The following TECPR1 variants were observed in gnomAD, a reference collection of about 807,000 sequenced individuals.
TECPR1 encodes the protein tectonin beta-propeller repeat-containing protein 1.
A neutral mutation model predicts 162.4 loss-of-function variants in TECPR1; 122 were observed. That is an observed-to-expected ratio of 0.75 (90% CI 0.65 to 0.87). TECPR1 has a LOEUF of 0.87. Ranked by LOEUF, TECPR1 falls within the 40% of genes least tolerant of loss-of-function variation. The pLI is 0.00. For missense variants in TECPR1, 1,432 were observed against 1,618.2 expected (o/e 0.88, Z 1.97); for synonymous variants, 642 against 670.6 (o/e 0.96, Z 0.66).
intron 10 of TECPR1, among the ~76,000 whole-genome samples, chr7:98,235,849 A>AAAAAAAAAAAAC: frequency 1.5e-4 from 16 of 110,330 alleles, no homozygotes; most frequent in African/African-American, 4.6e-4. Flanking sequence ...AAAAAAAAAA[A>AAAAAAAAAAAAC]AACACCATCT....
At position 98,217,750 on chromosome 7, in the gene TECPR1, T is replaced by C. The variant is rs1170639255; in HGVS notation, c.3326A>G (p.His1109Arg). ...CTCGTGAGGCTGCACGCCGGTGCGA[T>C]GACACACTGTCCCCCGGCTCAGGCT... ...SHSLSRGTVC[H>R]RTGVQPHEPK... Residue 1109 changes from histidine (H) to arginine (R), a missense_variant, in exon 25 of 26, where the codon CAT (histidine) becomes CGT (arginine). Transcript: ENST00000447648. 3 of 1,550,738 alleles carry C rather than the reference T, an allele frequency of 1.9e-6. No homozygotes were observed. The highest frequency in any genetic ancestry group is 1.2e-5 in the South Asian group (1 of 84,054).
At chr7:98,224,035 G>A (rs1798213767) in intron 19 of TECPR1, among the ~76,000 whole-genome samples, 1 of 152,144 alleles carries the variant, frequency 6.6e-6, no homozygotes, top group South Asian at 2.1e-4. Flanking sequence ...GCAGTCACTT[G>A]TCAGGGGTCA....
At position 98,223,726 on chromosome 7, in the gene TECPR1, G is replaced by T. The variant is rs757985382; in HGVS notation, c.2691-8C>A. 6.2e-7 allele frequency: 1 copy of T among 1,613,700 alleles called. No homozygotes were observed. The highest frequency in any genetic ancestry group is 1.1e-5 in the South Asian group (1 of 91,076). ...TTGGACCCATGGTATGAGCTGCAAG[G>T]AGGAAGAAGATGAAATCAGGGCCAC... On this transcript the variant is annotated splice_polypyrimidine_tract_variant and splice_region_variant and intron_variant, in intron 19 of 25. Transcript: ENST00000447648.
rs1798477718 is a variant in TECPR1 at position 98,232,776 on chromosome 7, T to C, written c.1818+51A>G. 2 of 1,491,952 alleles carry C rather than the reference T, an allele frequency of 1.3e-6. No homozygotes were observed. The highest frequency in any genetic ancestry group is 1.4e-5 in the African/African-American group (1 of 70,158). The allele number at this position is 1,491,952 out of a possible 1,614,324, so 92.4% of individuals were successfully genotyped here. ...TGGTACACAGCAGGCGCTCAATGAA[T>C]GATTGCTGGAAAAAAAAAAAAAATG... On this transcript the variant is annotated intron_variant, in intron 12 of 25. Coordinates refer to ENST00000447648, the MANE Select transcript of TECPR1 (RefSeq NM_015395.3). This position sits in a 1 kb window ranked among gnomAD's most constrained non-coding sequence, Gnocchi z 4.6.
Position 98,222,416 on chromosome 7 carries a change from G to T in TECPR1, c.3034C>A (p.Arg1012=), listed in dbSNP as rs570515591. 39 of 1,597,238 alleles carry T rather than the reference G, an allele frequency of 2.4e-5. No homozygotes were observed. The highest frequency in any genetic ancestry group is 3.1e-5 in the Non-Finnish European group (36 of 1,172,966). Residue 1012 remains arginine (R), a synonymous_variant, in exon 22 of 26, where the codon CGG becomes AGG. Coordinates refer to ENST00000447648, the MANE Select transcript of TECPR1 (RefSeq NM_015395.3). ...GGCTGCGAGGGGTACACGGATCCCC[G>T]GTAGAAGGCGGAGCCGTCCCTTGCC... ...AVARDGSAFY[R]GSVYPSQPAG... is the part of the protein sequence containing the mutation.
chr7:98,229,292 A>G (rs1798360228), intron 15 of TECPR1, 126 bp from the exon 16 acceptor site: 2 of 1,288,992 alleles, frequency 1.6e-6, no homozygotes, highest in Non-Finnish European at 2.1e-6. Flanking sequence ...CTCCAAGCAC[A>G]GACCATCCAC....
chr7:98,241,358 A>C lies in TECPR1; in HGVS notation c.658-114T>G. On this transcript the variant is annotated intron_variant, in intron 6 of 25. Transcript: ENST00000447648. This position sits in a 1 kb window ranked among gnomAD's most constrained non-coding sequence, Gnocchi z 5.0. ...CATGTCCCCTGACCGTCCAGATCTCACTCCCTGCCCCCTACCCCGGCCAAA... is the reference window on the plus strand; with the variant it reads ...CATGTCCCCTGACCGTCCAGATCTCCCTCCCTGCCCCCTACCCCGGCCAAA... 1.2e-4 allele frequency: 159 copies of C among 1,305,302 alleles called. No individual in the cohort carries two copies. The highest frequency in any genetic ancestry group is 1.5e-4 in the Non-Finnish European group (146 of 942,274). The allele number at this position is 1,305,302 out of a possible 1,614,324, so 80.9% of individuals were successfully genotyped here. A position where few individuals can be genotyped will look rare whatever the true frequency, so the allele number is the denominator to read the frequency against.
chr7:98,222,816 C>T, intron 21 of TECPR1, 174 bp downstream of exon 21: 1 of 925,456 alleles, frequency 1.1e-6, no homozygotes, highest in Non-Finnish European at 1.7e-6. Flanking sequence ...CCTCTGTCAC[C>T]CCCGCCCCAC....
chr7:98,226,724 A>G (rs1293547763), intron 17 of TECPR1: 5 of 1,083,186 alleles, frequency 4.6e-6, no homozygotes, highest in Non-Finnish European at 6.1e-6. Flanking sequence ...TCGGGAGTTC[A>G]GGAGTTGGAG....
At chr7:98,222,803 C>T (rs1478558082) in intron 21 of TECPR1, 187 bp downstream of exon 21, 3 of 868,588 alleles carry the variant, frequency 3.5e-6, no homozygotes, top group East Asian at 2.4e-5. Context: ...TCCCCTTGGC[C>T]CACCTCTGTC....
intron 6 of TECPR1, among the ~76,000 whole-genome samples, chr7:98,242,680 C>A (rs1798783203): frequency 7.1e-6 from 1 of 140,692 alleles, no homozygotes; most frequent in Non-Finnish European, 1.5e-5. Flanking sequence ...TCTATCCATA[C>A]ACCCACTCAC....
Position 98,233,930 on chromosome 7 carries a change from A to G in TECPR1, c.1182-19T>C. ...GCCGGCACTGGGGACAAATCAGGGC[A>G]GACCCATCACTCCCTTGCAGGGGAA... On this transcript the variant is annotated intron_variant, in intron 10 of 25. Coordinates refer to ENST00000447648, the MANE Select transcript of TECPR1 (RefSeq NM_015395.3). The G allele has an allele frequency of 6.6e-7, 1 of 1,505,002 alleles. No homozygotes were observed. The highest frequency in any genetic ancestry group is 8.9e-7 in the Non-Finnish European group (1 of 1,120,476). 93.2% of individuals were successfully genotyped at this position (1,505,002 alleles called of 1,614,324 possible). A position where few individuals can be genotyped will look rare whatever the true frequency, so the allele number is the denominator to read the frequency against.
rs1798023956 is a variant in TECPR1, at chr7:98,216,863, C to CACGTTGTTTTGGTTAATG, written c.*526_*527insCATTAACCAAAACAACGT. On this transcript the variant is annotated 3_prime_UTR_variant, in exon 26 of 26. Transcript: ENST00000447648. The stretch of plus-strand genomic sequence containing the variant: ...ACAGGCGTGAGCCACGGCGCCTGGC[C>CACGTTGTTTTGGTTAATG]TCCTTCCTTCACTTTTGAAATTAAA... The CACGTTGTTTTGGTTAATG allele has an allele frequency of 6.5e-6, 1 of 153,886 alleles. No individual in the cohort carries two copies. Among genetic ancestry groups the CACGTTGTTTTGGTTAATG allele is most frequent in the South Asian group, 2.0e-4 (1 of 4,902 alleles). The allele number at this position is 153,886 out of a possible 1,614,324, so 9.5% of individuals were successfully genotyped here.
At chr7:98,234,961 A>T (rs1276953552) in intron 10 of TECPR1, among the ~76,000 whole-genome samples, 24 of 151,900 alleles carry the variant, frequency 1.6e-4, no homozygotes, top group African/African-American at 4.6e-4. Flanking sequence ...CGATCCACCC[A>T]CTTTGGCCTC....
At chr7:98,234,783 T>G (rs1798549878) in intron 10 of TECPR1, among the ~76,000 whole-genome samples, 1 of 144,586 alleles carries the variant, frequency 6.9e-6, no homozygotes, top group South Asian at 2.3e-4. Context: ...TGATCATAGC[T>G]CACTGCAGCC....
chr7:98,246,186 C>T, intron 2 of TECPR1, 21 bp from the exon 3 acceptor site: 1 of 1,502,720 alleles, frequency 6.7e-7, no homozygotes, highest in South Asian at 1.2e-5. Context: ...AGGACGAGGG[C>T]CAGCGTTCAG....
chr7:98,224,129 G>A (rs983773924), intron 19 of TECPR1, among the ~76,000 whole-genome samples: 8 of 152,186 alleles, frequency 5.3e-5, no homozygotes, highest in South Asian at 2.1e-4. Flanking sequence ...GATGAGGCCC[G>A]AGGCTGAGCG....
rs1329172298 is a variant in TECPR1 at position 98,232,464 on chromosome 7, T to G, written c.1818+363A>C. On this transcript the variant is annotated intron_variant, in intron 12 of 25. Transcript: ENST00000447648. The surrounding 1 kb of genome is among the most constrained non-coding windows in gnomAD (Gnocchi z 4.6). ...AGGGGTGGGGTCTCCGGCCGCCCTCTGTGCTAACTCCTTGCAATCACACGC... is the reference window on the plus strand; with the variant it reads ...AGGGGTGGGGTCTCCGGCCGCCCTCGGTGCTAACTCCTTGCAATCACACGC... Among the ~76,000 whole-genome samples, 1 of 151,882 alleles carries G rather than the reference T, an allele frequency of 6.6e-6. No individual in the cohort carries two copies. Among genetic ancestry groups the G allele is most frequent in the Non-Finnish European group, 1.5e-5 (1 of 67,966 alleles).
chr7:98,245,646 A>AT (rs952929573), intron 3 of TECPR1, among the ~76,000 whole-genome samples: 43 of 151,934 alleles, frequency 2.8e-4, no homozygotes, highest in East Asian at 9.7e-4. Flanking sequence ...TAATTCTTGT[A>AT]TTTTTTTTGT....
Sources: allele counts gnomAD v4.1 joint callset (sites outside exome capture counted in the v4.1 genomes callset), GRCh38; gene constraint gnomAD v4.1.1; non-coding constraint Gnocchi (gnomAD v3.1); transcripts MANE v1.5; gene names NCBI Gene and HGNC (gene_info 2026-07-23, HGNC 2026-07-21).